Variants in SLC6A11 observed in about 807,000 individuals in gnomAD.
SLC6A11 encodes solute carrier family 6 member 11.
In SLC6A11, 25 loss-of-function variants were observed where a neutral mutation model predicts 74.8. The ratio of observed to expected loss-of-function variants is 0.33; its 90% CI spans 0.24 to 0.47. The LOEUF (loss-of-function observed/expected upper bound fraction) is 0.47. Among genes scored for constraint, SLC6A11 ranks in the 20% least tolerant of loss-of-function variants. The pLI is 1.00. For synonymous variants in SLC6A11, 330 were observed against 330.2 expected (o/e 1.00, Z 0.01); for missense variants, 574 against 837.0 (o/e 0.69, Z 3.88).
At chr3:10,823,612 A>T in intron 4 of SLC6A11, 1 of 513,852 alleles carries the variant, frequency 1.9e-6, no homozygotes, top group South Asian at 2.4e-5. Context: ...CTTTGATAAC[A>T]TGTCAGCATG....
At chr3:10,881,750 C>T (rs745439643) in intron 6 of SLC6A11, among the ~76,000 whole-genome samples, 10 of 152,176 alleles carry the variant, frequency 6.6e-5, no homozygotes, top group Non-Finnish European at 5.9e-5. Flanking sequence ...TTGGCACCTT[C>T]CCACCCCAGA....
intron 6 of SLC6A11, among the ~76,000 whole-genome samples, chr3:10,911,635 T>A (rs1168179169): frequency 2.0e-5 from 3 of 152,126 alleles, no homozygotes; most frequent in African/African-American, 7.2e-5. Context: ...AAAGGAAGCA[T>A]TCATTTTACC....
chr3:10,889,950 G>A (rs1262538201), intron 6 of SLC6A11, among the ~76,000 whole-genome samples: 1 of 152,180 alleles, frequency 6.6e-6, no homozygotes, highest in African/African-American at 2.4e-5. Flanking sequence ...GGAATGGAAT[G>A]GATCCCTTCA....
intron 4 of SLC6A11, among the ~76,000 whole-genome samples, chr3:10,834,842 C>T (rs1364322090): frequency 6.6e-6 from 1 of 152,194 alleles, no homozygotes; most frequent in Non-Finnish European, 1.5e-5. Context: ...ATGAAGTGAG[C>T]TGTGGACAGT....
intron 6 of SLC6A11, among the ~76,000 whole-genome samples, chr3:10,905,330 C>G (rs186380060): frequency 2.6e-5 from 4 of 152,346 alleles, no homozygotes; most frequent in Non-Finnish European, 5.9e-5. Context: ...AGGCAACCCT[C>G]AGGCCTAATC....
intron 5 of SLC6A11, 98 bp downstream of exon 5, chr3:10,844,444 G>C: frequency 3.4e-6 from 5 of 1,474,830 alleles, no homozygotes; most frequent in Non-Finnish European, 4.7e-6. Context: ...GCAGAGGCCA[G>C]CACTTAAGTT....
intron 4 of SLC6A11, among the ~76,000 whole-genome samples, chr3:10,841,700 G>A (rs1327523195): frequency 6.6e-6 from 1 of 152,240 alleles, no homozygotes; most frequent in African/African-American, 2.4e-5. Flanking sequence ...GAGCCAGTTT[G>A]TACCTGGCGG....
intron 4 of SLC6A11, among the ~76,000 whole-genome samples, chr3:10,841,435 C>T (rs1297400172): frequency 1.3e-5 from 2 of 152,162 alleles, no homozygotes; most frequent in African/African-American, 4.8e-5. Flanking sequence ...AGAATCTGGC[C>T]CCTGAGCCCC....
intron 4 of SLC6A11, among the ~76,000 whole-genome samples, chr3:10,836,895 T>G (rs1694374236): frequency 6.6e-6 from 1 of 152,216 alleles, no homozygotes; most frequent in Admixed American, 6.5e-5. Flanking sequence ...CACCCATTCA[T>G]TTACAAATGA....
chr3:10,900,436 C>T (rs1695226130), intron 6 of SLC6A11, among the ~76,000 whole-genome samples: 1 of 152,176 alleles, frequency 6.6e-6, no homozygotes, highest in African/African-American at 2.4e-5. Flanking sequence ...GCTTCCATTC[C>T]AGTTGGGGGA....
chr3:10,933,942 A>T, intron 11 of SLC6A11, 124 bp from the exon 12 acceptor site: 1 of 666,096 alleles, frequency 1.5e-6, no homozygotes, highest in Non-Finnish European at 2.7e-6. Flanking sequence ...TAAGCAGTAC[A>T]AAGATTCCTG....
At chr3:10,823,751 CA>C (rs1694168070) in intron 4 of SLC6A11, 1 of 217,996 alleles carries the variant, frequency 4.6e-6, no homozygotes, top group Admixed American at 5.1e-5. Flanking sequence ...GCCTGGAAAG[CA>C]TAAGTCTCTA....
intron 5 of SLC6A11, among the ~76,000 whole-genome samples, chr3:10,866,520 A>G (rs1025109297): frequency 6.6e-6 from 1 of 152,256 alleles, no homozygotes; most frequent in East Asian, 1.9e-4. Context: ...CAGCCCAGGG[A>G]TAGTGCCCTG....
intron 7 of SLC6A11, among the ~76,000 whole-genome samples, chr3:10,913,310 C>T (rs1208512759): frequency 2.6e-5 from 4 of 152,076 alleles, no homozygotes; most frequent in Non-Finnish European, 5.9e-5. Flanking sequence ...GATTGGTCCA[C>T]ATAAATATGG....
intron 4 of SLC6A11, chr3:10,823,758 C>T (rs1179839414): frequency 5.0e-6 from 1 of 200,070 alleles, no homozygotes. Context: ...AAGCATAAGT[C>T]TCTAGAGGGG....
In SLC6A11 at chr3:10,933,253, G is replaced by A. The variant is rs769798349; in HGVS notation, c.1474G>A (p.Gly492Arg). The stretch of plus-strand genomic sequence containing the variant: ...GTGCATCTGCATCGGCTGGGTGTAT[G>A]GTGAGTAGCAGCCAAGCCCGTCCAC... ...FECICIGWVYGSNRFYDNIED... is the reference protein window; with the variant it reads ...FECICIGWVYRSNRFYDNIED... The change falls in exon 11 of 14, where the codon GGA becomes AGA. Residue 492 changes from glycine (G) to arginine (R), a missense_variant and splice_region_variant. Transcript: ENST00000254488. 3 of 1,610,516 alleles carry A rather than the reference G, an allele frequency of 1.9e-6. No homozygotes were observed. The highest frequency in any genetic ancestry group is 1.7e-6 in the Non-Finnish European group (2 of 1,176,734).
chr3:10,928,711 G>A (rs1695643092), intron 9 of SLC6A11, among the ~76,000 whole-genome samples: 2 of 152,050 alleles, frequency 1.3e-5, no homozygotes, highest in African/African-American at 2.4e-5. Flanking sequence ...AGAAAGAAAG[G>A]GCAGGGAAGC....
At chr3:10,832,471 G>A (rs1245528316) in intron 4 of SLC6A11, among the ~76,000 whole-genome samples, 1 of 152,218 alleles carries the variant, frequency 6.6e-6, no homozygotes, top group East Asian at 1.9e-4. Context: ...CTAATAGGGT[G>A]TTGTGACCTT....
chr3:10,921,701 A>AT (rs1315980784), intron 8 of SLC6A11, among the ~76,000 whole-genome samples: 4 of 152,168 alleles, frequency 2.6e-5, no homozygotes, highest in Admixed American at 2.0e-4. Context: ...ATCAGACCAG[A>AT]TTTTTTTTAA....
Sources: gnomAD v4.1 joint callset for allele counts (sites outside exome capture counted in the v4.1 genomes callset) on GRCh38, gnomAD v4.1.1 for gene constraint, MANE v1.5 for transcripts, NCBI Gene and HGNC (gene_info 2026-07-23, HGNC 2026-07-21) for gene names.